The following GPM6A variants were observed in gnomAD, a reference collection of about 807,000 sequenced individuals.
GPM6A encodes neuronal membrane glycoprotein M6-a.
Under a neutral mutation model 32.1 loss-of-function variants are expected in GPM6A, and 7 were observed. The observed-to-expected ratio is 0.22, with a 90% CI of 0.12 to 0.41. The LOEUF (loss-of-function observed/expected upper bound fraction) is 0.41. Among genes scored for constraint, GPM6A ranks in the 10% least tolerant of loss-of-function variants. The pLI is 1.00. For missense variants in GPM6A, 235 were observed against 347.2 expected, an observed-to-expected ratio of 0.68 and a Z score of 2.57; for synonymous variants, 130 against 123.4, an observed-to-expected ratio of 1.05 and a Z score of -0.35.
intron 1 of GPM6A, among the ~76,000 whole-genome samples, chr4:175,987,407 C>G (rs1457920864): frequency 2.0e-5 from 3 of 152,060 alleles, no homozygotes; most frequent in African/African-American, 7.2e-5. Flanking sequence ...AATAACCTCT[C>G]ATTTGATTGA....
chr4:175,879,459 G>A (rs1446740393), intron 1 of GPM6A, among the ~76,000 whole-genome samples: 2 of 152,118 alleles, frequency 1.3e-5, no homozygotes, highest in African/African-American at 4.8e-5. Flanking sequence ...AATCATGGTG[G>A]TAGCTAACTC....
intron 1 of GPM6A, among the ~76,000 whole-genome samples, chr4:175,942,550 T>G (rs1041995237): frequency 4.6e-5 from 7 of 152,230 alleles, no homozygotes; most frequent in Non-Finnish European, 7.3e-5. Flanking sequence ...AGTTAATTTT[T>G]GTATAAGGTG....
intron 1 of GPM6A, chr4:175,970,954 C>T: frequency 2.2e-6 from 1 of 452,916 alleles, no homozygotes; most frequent in South Asian, 1.6e-5. Flanking sequence ...AGATGGACGC[C>T]AGAGCCTGTG....
chr4:175,795,273 T>TTGAGGTACCTATGGCTATC (rs1230311244), intron 1 of GPM6A, among the ~76,000 whole-genome samples: 52 of 152,258 alleles, frequency 3.4e-4, no homozygotes, highest in African/African-American at 1.2e-3. Flanking sequence ...CATATTGCAT[T>TTGAGGTACCTATGGCTATC]TGAGGTACCT....
At chr4:175,721,045 T>TATATATAATATATACATATA (rs1746097552) in intron 1 of GPM6A, among the ~76,000 whole-genome samples, 1 of 131,520 alleles carries the variant, frequency 7.6e-6, no homozygotes, top group Non-Finnish European at 1.6e-5. Flanking sequence ...ATATATTATA[T>TATATATAATATATACATATA]ATATATATGT....
At chr4:175,945,792 G>A (rs1469136118) in intron 1 of GPM6A, among the ~76,000 whole-genome samples, 6 of 147,494 alleles carry the variant, frequency 4.1e-5, no homozygotes, top group Admixed American at 1.3e-4. Flanking sequence ...TCAGTAATAC[G>A]GGTGCATATT....
chr4:175,762,138 T>A (rs576647578), intron 1 of GPM6A, among the ~76,000 whole-genome samples: 1 of 152,208 alleles, frequency 6.6e-6, no homozygotes, highest in Non-Finnish European at 1.5e-5. Flanking sequence ...GTTCTTCAGA[T>A]GCAAGTGTCC....
intron 6 of GPM6A, among the ~76,000 whole-genome samples, chr4:175,636,582 G>T (rs899412824): frequency 8.7e-5 from 13 of 150,148 alleles, no homozygotes; most frequent in Admixed American, 4.0e-4. Flanking sequence ...GATCACTTGA[G>T]GTCAGGAGTC....
chr4:175,953,243 T>C (rs778482802), intron 1 of GPM6A, among the ~76,000 whole-genome samples: 18 of 152,266 alleles, frequency 1.2e-4, no homozygotes, highest in Non-Finnish European at 2.4e-4. Flanking sequence ...TTGATAGTTT[T>C]TGAAGCTGAA....
At chr4:175,983,141 G>C (rs891843420) in intron 1 of GPM6A, among the ~76,000 whole-genome samples, 1 of 152,060 alleles carries the variant, frequency 6.6e-6, no homozygotes, top group African/African-American at 2.4e-5. Context: ...GAATTTAAAG[G>C]ACCAAAACGA....
At chr4:175,721,008 T>A (rs1746086395) in intron 1 of GPM6A, among the ~76,000 whole-genome samples, 1 of 147,516 alleles carries the variant, frequency 6.8e-6, no homozygotes, top group Non-Finnish European at 1.5e-5. Flanking sequence ...ACTTTAGCTT[T>A]TCTAGTATAT....
At chr4:175,951,789 AT>A (rs1168025902) in intron 1 of GPM6A, among the ~76,000 whole-genome samples, 1 of 152,208 alleles carries the variant, frequency 6.6e-6, no homozygotes, top group Non-Finnish European at 1.5e-5. Context: ...TGTGAATGAG[AT>A]AAGACTTAAA....
intron 1 of GPM6A, among the ~76,000 whole-genome samples, chr4:175,808,236 T>C (rs1464784821): frequency 6.6e-6 from 1 of 152,202 alleles, no homozygotes; most frequent in African/African-American, 2.4e-5. Context: ...TAAGCTGTAC[T>C]GTATATTAAA....
intron 1 of GPM6A, among the ~76,000 whole-genome samples, chr4:175,823,100 T>C (rs1735329485): frequency 6.6e-6 from 1 of 152,172 alleles, no homozygotes; most frequent in South Asian, 2.1e-4. Flanking sequence ...TGTGAGAAAA[T>C]TGAGGCTTTC....
upstream of GPM6A, among the ~76,000 whole-genome samples, chr4:175,814,907 A>G (rs572284039): frequency 1.3e-5 from 2 of 152,324 alleles, no homozygotes; most frequent in African/African-American, 4.8e-5. Flanking sequence ...GCCACCAGCT[A>G]TCTCCAGGAC....
intron 1 of GPM6A, among the ~76,000 whole-genome samples, chr4:175,721,148 A>T (rs895540109): frequency 6.7e-5 from 9 of 135,214 alleles, no homozygotes; most frequent in African/African-American, 2.1e-4. Context: ...TATATATTCT[A>T]ATATATATAT....
At chr4:175,782,866 T>A (rs1485605099) in intron 1 of GPM6A, among the ~76,000 whole-genome samples, 2 of 152,052 alleles carry the variant, frequency 1.3e-5, no homozygotes, top group Non-Finnish European at 2.9e-5. Flanking sequence ...TTATATACCA[T>A]CATTTTAAAA....
chr4:175,938,739 A>C (rs1448761004), intron 1 of GPM6A, among the ~76,000 whole-genome samples: 1 of 150,248 alleles, frequency 6.7e-6, no homozygotes, highest in African/African-American at 2.4e-5. Flanking sequence ...AGTAAAACCA[A>C]AAAAAAAAAA....
At chr4:175,750,199 C>T (rs961480102) in intron 1 of GPM6A, among the ~76,000 whole-genome samples, 2 of 151,988 alleles carry the variant, frequency 1.3e-5, no homozygotes, top group Admixed American at 6.5e-5. Flanking sequence ...GCTGGGATTA[C>T]AGGCGCATGC....
Sources: gnomAD v4.1 joint callset for allele counts (sites outside exome capture counted in the v4.1 genomes callset) on GRCh38, gnomAD v4.1.1 for gene constraint, MANE v1.5 for transcripts, NCBI Gene and HGNC (gene_info 2026-07-23, HGNC 2026-07-21) for gene names.